Variants in RGS20 observed in about 807,000 individuals in gnomAD.
RGS20 encodes the protein regulator of G protein signaling 20, also known as gz-selective GTPase-activating protein.
In RGS20, 30 loss-of-function variants were observed where a neutral mutation model predicts 33.6. That is an observed-to-expected ratio of 0.89 (90% CI 0.67 to 1.21). The LOEUF (loss-of-function observed/expected upper bound fraction) is 1.21, where lower values mean the gene tolerates loss of function less well. RGS20 is among the 50% of genes most tolerant of loss of function. RGS20 has a pLI of 0.00. For synonymous variants in RGS20, 208 were observed against 197.9 expected, an observed-to-expected ratio of 1.05 and a Z score of -0.43; for missense variants, 472 against 502.4, an observed-to-expected ratio of 0.94 and a Z score of 0.58.
intron 5 of RGS20, among the ~76,000 whole-genome samples, chr8:53,955,640 G>A (rs1814844985): frequency 6.6e-6 from 1 of 152,056 alleles, no homozygotes; most frequent in African/African-American, 2.4e-5. Context: ...GACCAGCCTG[G>A]CCAACATGGT....
intron 2 of RGS20, among the ~76,000 whole-genome samples, chr8:53,903,506 G>A (rs899174018): frequency 2.6e-5 from 4 of 152,220 alleles, no homozygotes; most frequent in South Asian, 2.1e-4. Flanking sequence ...GACAGGAGAC[G>A]GCACCCAGGA....
chr8:53,884,191 CTTTT>C (rs4014055), intron 2 of RGS20, among the ~76,000 whole-genome samples: 4 of 103,470 alleles, frequency 3.9e-5, no homozygotes, highest in Admixed American at 1.0e-4. Context: ...GAAAAACAGT[CTTTT>C]TTTTTTTTTT....
Position 53,876,111 on chromosome 8 carries a change from C to A in RGS20, c.166-3147C>A, listed in dbSNP as rs576306265. Reference sequence around the variant, plus strand: ...CAAAGTGGAACTTAAAAATAAAGTTCAGGAGAAAATAGGTCATTTCATAAA... The same window carrying A: ...CAAAGTGGAACTTAAAAATAAAGTTAAGGAGAAAATAGGTCATTTCATAAA... On this transcript the variant is annotated intron_variant, in intron 1 of 5. Transcript: ENST00000297313. 2.0e-5 allele frequency: 3 copies of A among 152,262 alleles called. No individual in the cohort carries two copies. The East Asian group carries it at 5.8e-4, about 29-fold the overall frequency. The allele number at this position is 152,262 out of a possible 1,614,324, so 9.4% of individuals were successfully genotyped here.
At chr8:53,913,637 G>A (rs1813407401) in intron 2 of RGS20, 1 of 152,264 alleles carries the variant, frequency 6.6e-6, no homozygotes, top group African/African-American at 2.4e-5. Flanking sequence ...GAGGGAAGAA[G>A]GGCAAGTGGC....
chr8:53,893,802 C>T (rs1812780686), intron 2 of RGS20, among the ~76,000 whole-genome samples: 1 of 152,010 alleles, frequency 6.6e-6, no homozygotes, highest in East Asian at 1.9e-4. Context: ...CATAACCAGA[C>T]CACATAGAAT....
At chr8:53,956,396 A>G (rs983538875) in intron 5 of RGS20, among the ~76,000 whole-genome samples, 1 of 152,202 alleles carries the variant, frequency 6.6e-6, no homozygotes, top group Non-Finnish European at 1.5e-5. Flanking sequence ...TAGCCTGTTT[A>G]TATCATCAAA....
chr8:53,929,560 C>T (rs191795582), intron 2 of RGS20, among the ~76,000 whole-genome samples: 7 of 152,164 alleles, frequency 4.6e-5, no homozygotes, highest in Non-Finnish European at 7.4e-5. Context: ...TCCAGCTACT[C>T]GGGAGGCTGA....
intron 4 of RGS20, among the ~76,000 whole-genome samples, chr8:53,948,227 TTATA>T (rs1165097916): frequency 1.4e-5 from 2 of 138,074 alleles, no homozygotes; most frequent in Admixed American, 7.6e-5. Context: ...GTATATATAT[TTATA>T]TATGCTATAT....
intron 2 of RGS20, 37 bp from the exon 2 acceptor site, chr8:53,939,538 AC>A: frequency 6.9e-7 from 1 of 1,447,530 alleles, no homozygotes. Flanking sequence ...TAACGCTGGA[AC>A]CCCCTCCCGC....
intron 2 of RGS20, among the ~76,000 whole-genome samples, chr8:53,925,625 C>T (rs995754031): frequency 4.0e-4 from 61 of 152,144 alleles, no homozygotes; most frequent in Non-Finnish European, 7.5e-4. Context: ...ATCCCAGCTA[C>T]TCAGGAGGCT....
Position 53,942,102 on chromosome 8 carries a change from C to T in RGS20, c.659+2378C>T, listed in dbSNP as rs189224498. ...CAGCCCTACCAACATGGAGAAAACT[C>T]GTTTCTACTAAAAATACAAAATTAG... On this transcript the variant is annotated intron_variant, in intron 3 of 5. Coordinates refer to ENST00000297313, the MANE Select transcript of RGS20 (RefSeq NM_170587.4). Among the ~76,000 whole-genome samples the T allele has an allele frequency of 1.5e-3, 222 of 152,118 alleles. 1 individual carries two copies. The highest frequency in any genetic ancestry group is 5.1e-3 in the African/African-American group (212 of 41,494).
chr8:53,873,651 C>T (rs1169146448), intron 1 of RGS20, among the ~76,000 whole-genome samples: 1 of 152,118 alleles, frequency 6.6e-6, no homozygotes, highest in Non-Finnish European at 1.5e-5. Context: ...AGTTTATCCA[C>T]CCAAGCACTT....
At chr8:53,911,935 T>A (rs906294149) in intron 2 of RGS20, among the ~76,000 whole-genome samples, 2 of 152,134 alleles carry the variant, frequency 1.3e-5, no homozygotes, top group Non-Finnish European at 2.9e-5. Flanking sequence ...AGTGAGATTC[T>A]GTGTCAAAAA....
intron 2 of RGS20, chr8:53,881,068 G>A: frequency 6.5e-7 from 1 of 1,547,054 alleles, no homozygotes; most frequent in African/African-American, 1.4e-5. Flanking sequence ...CCGGCCGGCA[G>A]GGTGGACGGT....
chr8:53,934,848 A>G (rs1186203866), intron 2 of RGS20, among the ~76,000 whole-genome samples: 1 of 152,156 alleles, frequency 6.6e-6, no homozygotes, highest in African/African-American at 2.4e-5. Flanking sequence ...AAAATTGACC[A>G]CATAATTGAA....
At chr8:53,867,604 G>A (rs1811949712) in intron 1 of RGS20, among the ~76,000 whole-genome samples, 1 of 152,096 alleles carries the variant, frequency 6.6e-6, no homozygotes, top group African/African-American at 2.4e-5. Flanking sequence ...TGCCCTGTTG[G>A]TATCTAAAAC....
At chr8:53,939,131 G>A (rs901680837) in intron 2 of RGS20, among the ~76,000 whole-genome samples, 3 of 152,168 alleles carry the variant, frequency 2.0e-5, no homozygotes, top group Non-Finnish European at 4.4e-5. Flanking sequence ...TAGCTGGGCC[G>A]CCCTTCCCAT....
At chr8:53,880,932 A>G (rs1363931078) in intron 2 of RGS20, 48 of 1,552,994 alleles carry the variant, frequency 3.1e-5, no homozygotes, top group Non-Finnish European at 1.7e-6. Context: ...GAGCCGGAGA[A>G]AGGCGAAAGG....
At chr8:53,868,371 G>T (rs1811966743) in intron 1 of RGS20, among the ~76,000 whole-genome samples, 1 of 152,112 alleles carries the variant, frequency 6.6e-6, no homozygotes, top group Non-Finnish European at 1.5e-5. Context: ...TATGTCTCCT[G>T]GATATGGTGT....
Sources: gnomAD v4.1 joint callset for allele counts (sites outside exome capture counted in the v4.1 genomes callset) on GRCh38, gnomAD v4.1.1 for gene constraint, MANE v1.5 for transcripts, NCBI Gene and HGNC (gene_info 2026-07-23, HGNC 2026-07-21) for gene names.